PTPRM: variants seen among roughly 807,000 people sequenced by gnomAD.
PTPRM encodes the protein receptor-type tyrosine-protein phosphatase mu.
Under a neutral mutation model 186.7 loss-of-function variants are expected in PTPRM, and 47 were observed. The ratio of observed to expected loss-of-function variants is 0.25; its 90% confidence interval spans 0.20 to 0.32. The LOEUF (loss-of-function observed/expected upper bound fraction) is 0.32. PTPRM is among the 10% of genes least tolerant of loss of function. The probability of loss-of-function intolerance (pLI) is 1.00; values close to 1 mark genes in which losing one functional copy is unlikely to be tolerated. For missense variants in PTPRM, 1,494 were observed against 1,865.0 expected (o/e 0.80, Z 3.66); for synonymous variants, 668 against 674.9 (o/e 0.99, Z 0.16).
At chr18:7,715,902 A>T (rs2040318594) in intron 1 of PTPRM, among the ~76,000 whole-genome samples, 1 of 152,196 alleles carries the variant, frequency 6.6e-6, no homozygotes, top group Non-Finnish European at 1.5e-5. Flanking sequence ...ATGGATAAGA[A>T]GAAGAACCAA....
chr18:7,630,598 A>G lies in PTPRM; in HGVS notation c.73+62707A>G, dbSNP rs571521828. ...AAAAGATGGAGTAGCCTTTTGGGCT[A>G]TTTTGCTGGTTTATTTTAGAATTAA... On this transcript the variant is annotated intron_variant, in intron 1 of 32. Coordinates refer to ENST00000580170, the MANE Select transcript of PTPRM (RefSeq NM_001105244.2). Among the ~76,000 whole-genome samples the G allele has an allele frequency of 2.6e-5, 4 of 152,252 alleles. No homozygotes were observed. The South Asian group carries it at 8.3e-4, about 32-fold the overall frequency.
At chr18:8,262,341 A>G (rs2094642104) in intron 19 of PTPRM, among the ~76,000 whole-genome samples, 1 of 152,242 alleles carries the variant, frequency 6.6e-6, no homozygotes, top group Admixed American at 6.5e-5. Context: ...ACTGATGCTG[A>G]AAACTATGCC....
At chr18:8,389,775 A>G (rs1005704777) in intron 31 of PTPRM, among the ~76,000 whole-genome samples, 2 of 151,878 alleles carry the variant, frequency 1.3e-5, no homozygotes, top group South Asian at 4.2e-4. Flanking sequence ...GAATCAAACC[A>G]CTCCAGTCTT....
At chr18:7,842,838 A>ATG (rs1342615993) in intron 2 of PTPRM, among the ~76,000 whole-genome samples, 128 of 77,230 alleles carry the variant, frequency 1.7e-3, no homozygotes, top group African/African-American at 8.4e-3. Flanking sequence ...GTATATATAT[A>ATG]TATAGAGAGA....
At chr18:8,209,247 G>A (rs755643851) in intron 14 of PTPRM, among the ~76,000 whole-genome samples, 3 of 152,160 alleles carry the variant, frequency 2.0e-5, no homozygotes, top group Non-Finnish European at 2.9e-5. Context: ...GAGGAGGCAA[G>A]GACACAAGCG....
chr18:7,986,977 G>A (rs1012702416), intron 7 of PTPRM, among the ~76,000 whole-genome samples: 1 of 152,176 alleles, frequency 6.6e-6, no homozygotes, highest in East Asian at 1.9e-4. Flanking sequence ...ACAGATCCCA[G>A]TAGAAAGTAA....
At chr18:7,625,925 G>A (rs987405810) in intron 1 of PTPRM, among the ~76,000 whole-genome samples, 4 of 152,202 alleles carry the variant, frequency 2.6e-5, no homozygotes, top group African/African-American at 9.6e-5. Context: ...GTCAGTGTGT[G>A]ACATTGGGGC....
intron 2 of PTPRM, among the ~76,000 whole-genome samples, chr18:7,850,422 C>T (rs1334523195): frequency 6.6e-6 from 1 of 152,066 alleles, no homozygotes; most frequent in Non-Finnish European, 1.5e-5. Context: ...TTTGTGGGGC[C>T]AATATTCCAG....
chr18:7,918,078 T>TGTGTGTGTGTG (rs2050663776), intron 4 of PTPRM, among the ~76,000 whole-genome samples: 4 of 147,992 alleles, frequency 2.7e-5, no homozygotes, highest in Admixed American at 2.7e-4. Context: ...TCTTGTGTGT[T>TGTGTGTGTGTG]TGTGTGTGTG....
chr18:7,957,887 A>G (rs1267960289), intron 7 of PTPRM, among the ~76,000 whole-genome samples: 1 of 152,240 alleles, frequency 6.6e-6, no homozygotes, highest in East Asian at 1.9e-4. Context: ...GTGAGCATTT[A>G]GAGTACCTAA....
chr18:8,314,728 A>T, intron 20 of PTPRM, 53 bp from the exon 21 acceptor site: 1 of 1,358,454 alleles, frequency 7.4e-7, no homozygotes, highest in Non-Finnish European at 1.0e-6. Flanking sequence ...GCTCAGAGCC[A>T]CCTACCAGAT....
intron 2 of PTPRM, among the ~76,000 whole-genome samples, chr18:7,777,223 G>A (rs963282967): frequency 7.9e-5 from 12 of 152,094 alleles, no homozygotes; most frequent in African/African-American, 1.9e-4. Context: ...GGTTGGTTCC[G>A]TAACACTTTA....
At chr18:7,994,711 A>G (rs1198878359) in intron 7 of PTPRM, among the ~76,000 whole-genome samples, 1 of 152,178 alleles carries the variant, frequency 6.6e-6, no homozygotes, top group African/African-American at 2.4e-5. Flanking sequence ...GTTAAATAAT[A>G]TGCTCCTGAA....
chr18:7,796,502 A>G (rs2145284441), intron 2 of PTPRM, among the ~76,000 whole-genome samples: 1 of 152,272 alleles, frequency 6.6e-6, no homozygotes, highest in Non-Finnish European at 1.5e-5. Context: ...GCAGCGTGAG[A>G]GCTCACCTCA....
intron 23 of PTPRM, among the ~76,000 whole-genome samples, chr18:8,364,317 TCATGGAAGTCACCTGCCG>T (rs2095614562): frequency 6.6e-6 from 1 of 152,108 alleles, no homozygotes; most frequent in Non-Finnish European, 1.5e-5. Flanking sequence ...GGGGTGGAAG[TCATGGAAGTCACCTGCCG>T]CATGAGAAGA....
intron 2 of PTPRM, among the ~76,000 whole-genome samples, chr18:7,811,203 G>A (rs1464873772): frequency 6.6e-6 from 1 of 152,188 alleles, no homozygotes; most frequent in Non-Finnish European, 1.5e-5. Context: ...GTGACAACAA[G>A]CCTGGAACTG....
intron 17 of PTPRM, among the ~76,000 whole-genome samples, chr18:8,252,086 T>G (rs1438046498): frequency 6.6e-6 from 1 of 152,232 alleles, no homozygotes; most frequent in Non-Finnish European, 1.5e-5. Context: ...AATTTTCTAG[T>G]AGGCCTCCAT....
At chr18:8,138,278 A>T (rs1383473110) in intron 13 of PTPRM, among the ~76,000 whole-genome samples, 1 of 149,166 alleles carries the variant, frequency 6.7e-6, no homozygotes, top group African/African-American at 2.5e-5. Flanking sequence ...AGGGCTCTGC[A>T]TGCTCTTGGA....
At chr18:7,610,801 A>G (rs1057011747) in intron 1 of PTPRM, among the ~76,000 whole-genome samples, 26 of 152,226 alleles carry the variant, frequency 1.7e-4, no homozygotes, top group African/African-American at 6.0e-4. Flanking sequence ...AGGGTTATGT[A>G]TACTTTTAGA....
Sources: allele counts gnomAD v4.1 joint callset (sites outside exome capture counted in the v4.1 genomes callset), GRCh38; gene constraint gnomAD v4.1.1; transcripts MANE v1.5; gene names NCBI Gene and HGNC (gene_info 2026-07-23, HGNC 2026-07-21).